SS18: variants seen among roughly 807,000 people sequenced by gnomAD.
The protein encoded by SS18 is protein SSXT.
Under a neutral mutation model 72.5 loss-of-function variants are expected in SS18, and 28 were observed. That is an observed-to-expected ratio of 0.39 (90% CI 0.29 to 0.53). The LOEUF (loss-of-function observed/expected upper bound fraction) is 0.53. Among genes scored for constraint, SS18 ranks in the 20% least tolerant of loss-of-function variants. The probability of loss-of-function intolerance (pLI) is 0.76; values close to 1 mark genes in which losing one functional copy is unlikely to be tolerated. For synonymous variants in SS18, 172 were observed against 164.2 expected (o/e 1.05, Z -0.37); for missense variants, 518 against 535.3 (o/e 0.97, Z 0.32).
chr18:26,072,337 T>C (rs1273374728), intron 3 of SS18, among the ~76,000 whole-genome samples: 2 of 150,216 alleles, frequency 1.3e-5, no homozygotes, highest in Non-Finnish European at 2.9e-5. Flanking sequence ...CCCAGCACTT[T>C]GATTGCTAGA....
chr18:26,061,576 C>G (rs982358461), intron 3 of SS18, among the ~76,000 whole-genome samples: 1 of 151,544 alleles, frequency 6.6e-6, no homozygotes, highest in African/African-American at 2.4e-5. Context: ...TGGAAGGGAA[C>G]AGCAATAAAA....
At chr18:26,083,226 T>C (rs2054559549) in intron 2 of SS18, among the ~76,000 whole-genome samples, 1 of 152,068 alleles carries the variant, frequency 6.6e-6, no homozygotes, top group African/African-American at 2.4e-5. Context: ...AAATGAGATC[T>C]AATCCAATAT....
intron 2 of SS18, chr18:26,081,174 T>C (rs1311939183): frequency 1.3e-5 from 2 of 152,112 alleles, no homozygotes; most frequent in African/African-American, 4.8e-5. Flanking sequence ...CATTATTTTA[T>C]AGCATTCATC....
At chr18:26,086,180 C>T (rs771815792) in intron 2 of SS18, among the ~76,000 whole-genome samples, 14 of 152,080 alleles carry the variant, frequency 9.2e-5, no homozygotes, top group East Asian at 1.9e-4. Flanking sequence ...TACAGGAGGA[C>T]GTGAGTAGGT....
chr18:26,082,748 A>T (rs2054548495), intron 2 of SS18, among the ~76,000 whole-genome samples: 1 of 152,240 alleles, frequency 6.6e-6, no homozygotes, highest in Non-Finnish European at 1.5e-5. Context: ...TTGATAAAGC[A>T]ACATACACAA....
chr18:26,073,364 AAG>A (rs2054350594), intron 3 of SS18, among the ~76,000 whole-genome samples: 1 of 152,222 alleles, frequency 6.6e-6, no homozygotes, highest in African/African-American at 2.4e-5. Flanking sequence ...AAATTGATGA[AAG>A]AGGCATTCAT....
At chr18:26,037,854 C>T (rs2143872222) in intron 7 of SS18, among the ~76,000 whole-genome samples, 1 of 152,124 alleles carries the variant, frequency 6.6e-6, no homozygotes, top group South Asian at 2.1e-4. Flanking sequence ...ACTGTGAAAA[C>T]CTACTTGTAT....
intron 2 of SS18, chr18:26,080,304 C>T: frequency 1.0e-6 from 1 of 983,296 alleles, no homozygotes; most frequent in Non-Finnish European, 1.2e-6. Context: ...GAACACATAA[C>T]CTGTTTCAGT....
At chr18:26,046,924 G>A (rs1196334115) in intron 5 of SS18, among the ~76,000 whole-genome samples, 1 of 152,204 alleles carries the variant, frequency 6.6e-6, no homozygotes, top group East Asian at 1.9e-4. Context: ...TGAAGAAAGA[G>A]CAGCTAAGAG....
chr18:26,071,945 G>A (rs1267039872), intron 3 of SS18, among the ~76,000 whole-genome samples: 2 of 151,954 alleles, frequency 1.3e-5, no homozygotes, highest in African/African-American at 4.8e-5. Flanking sequence ...GAAATACTAA[G>A]GAATGTTCTT....
At chr18:26,055,635 A>C (rs574115353) in intron 4 of SS18, among the ~76,000 whole-genome samples, 35 of 152,222 alleles carry the variant, frequency 2.3e-4, no homozygotes, top group Non-Finnish European at 3.8e-4. Context: ...TTGTGTGCAT[A>C]AACAGGTTGG....
intron 5 of SS18, 85 bp from the exon 6 acceptor site, chr18:26,039,541 T>C (rs2053688314): frequency 2.4e-6 from 3 of 1,259,242 alleles, no homozygotes; most frequent in Admixed American, 2.2e-5. Flanking sequence ...TTTTATCATA[T>C]AGTCCCAAAA....
At chr18:26,032,334 A>G (rs2053557472) in intron 10 of SS18, 65 bp downstream of exon 10, 2 of 1,574,110 alleles carry the variant, frequency 1.3e-6, no homozygotes, top group Non-Finnish European at 8.6e-7. Context: ...AATTTTAAAA[A>G]AAAGTTCACC....
intron 10 of SS18, among the ~76,000 whole-genome samples, chr18:26,022,736 G>A (rs1429361781): frequency 6.6e-6 from 1 of 152,198 alleles, no homozygotes; most frequent in Non-Finnish European, 1.5e-5. Context: ...CAACTGTGGA[G>A]ATGTGCAGAG....
chr18:26,033,240 G>A (rs893985072), intron 9 of SS18, among the ~76,000 whole-genome samples: 4 of 152,320 alleles, frequency 2.6e-5, no homozygotes, highest in East Asian at 1.9e-4. Flanking sequence ...TGGGCTTGGC[G>A]CAGTGGCTTA....
rs2053259302 is a variant in SS18, at chr18:26,016,831, TTCC to T, written c.*1520_*1522del. 1 of 231,118 alleles carries T rather than the reference TTCC, an allele frequency of 4.3e-6. No homozygotes were observed. The highest frequency in any genetic ancestry group is 8.6e-6 in the Non-Finnish European group (1 of 116,582). The allele number at this position is 231,118 out of a possible 1,614,324, so 14.3% of individuals were successfully genotyped here. On this transcript the variant is annotated 3_prime_UTR_variant, in exon 11 of 11. Transcript: ENST00000415083. The stretch of plus-strand genomic sequence containing the variant: ...ATACACACACAGAGACCCACTGAAA[TTCC>T]TCCTTTTGATTACAGTATGTTGAGA...
chr18:26,040,093 TTAA>T (rs1157480125), intron 5 of SS18, among the ~76,000 whole-genome samples: 2 of 152,188 alleles, frequency 1.3e-5, no homozygotes, highest in Non-Finnish European at 2.9e-5. Flanking sequence ...GCTATACTGC[TTAA>T]TATGTTAAAA....
chr18:26,061,959 A>G (rs1438789485), intron 3 of SS18, among the ~76,000 whole-genome samples: 1 of 152,132 alleles, frequency 6.6e-6, no homozygotes, highest in Non-Finnish European at 1.5e-5. Flanking sequence ...ATAGGACAAG[A>G]CACACAAAAG....
chr18:26,023,769 CATAGTA>C (rs2053394881), intron 10 of SS18: 1 of 396,678 alleles, frequency 2.5e-6, no homozygotes, highest in Non-Finnish European at 4.7e-6. Context: ...AATGATACCA[CATAGTA>C]ATATGAATCC....
Sources: allele counts gnomAD v4.1 joint callset (sites outside exome capture counted in the v4.1 genomes callset), GRCh38; gene constraint gnomAD v4.1.1; transcripts MANE v1.5; gene names NCBI Gene and HGNC (gene_info 2026-07-23, HGNC 2026-07-21).